WDFY4: variants seen among roughly 807,000 people sequenced by gnomAD.
WDFY4 encodes WDFY family member 4.
A neutral mutation model predicts 351.9 loss-of-function variants in WDFY4; 169 were observed. The observed-to-expected ratio is 0.48, with a 90% CI of 0.42 to 0.55. The LOEUF is 0.55. Ranked by LOEUF, WDFY4 falls within the 20% of genes least tolerant of loss-of-function variation. The pLI is 0.00. For missense variants in WDFY4, 3,803 were observed against 3,935.6 expected (o/e 0.97, Z 0.90); for synonymous variants, 1,622 against 1,574.6 (o/e 1.03, Z -0.71).
intron 25 of WDFY4, among the ~76,000 whole-genome samples, chr10:48,804,136 G>A (rs1210648586): frequency 1.3e-5 from 2 of 152,180 alleles, no homozygotes; most frequent in Non-Finnish European, 2.9e-5. Context: ...GGGAGCCAGG[G>A]GCTGTGTTCA....
chr10:48,931,736 T>G (rs190379909), intron 47 of WDFY4, among the ~76,000 whole-genome samples: 1 of 152,386 alleles, frequency 6.6e-6, no homozygotes, highest in Admixed American at 6.5e-5. Flanking sequence ...AAACTTTTCC[T>G]AAATTCAGAT....
intron 12 of WDFY4, among the ~76,000 whole-genome samples, chr10:48,758,727 G>T (rs2065408332): frequency 6.6e-6 from 1 of 152,058 alleles, no homozygotes; most frequent in Non-Finnish European, 1.5e-5. Context: ...AATTTCAGTT[G>T]TTGTGTTTAC....
chr10:48,855,431 G>T (rs766471330), intron 39 of WDFY4, among the ~76,000 whole-genome samples: 93 of 151,930 alleles, frequency 6.1e-4, no homozygotes, highest in Middle Eastern at 3.4e-3. Flanking sequence ...CTTTGGTCTG[G>T]CTTATTTCAC....
chr10:48,736,349 G>A (rs2064667338), intron 11 of WDFY4: 9 of 598,172 alleles, frequency 1.5e-5, no homozygotes, highest in Non-Finnish European at 2.7e-5. Context: ...CAGCAGACAA[G>A]GGAAGAGAGA....
intron 39 of WDFY4, among the ~76,000 whole-genome samples, chr10:48,864,273 A>G (rs1042592873): frequency 3.9e-5 from 6 of 152,188 alleles, no homozygotes; most frequent in African/African-American, 1.4e-4. Context: ...TTATGCAGTA[A>G]AGGTTTAACT....
At chr10:48,693,960 G>A (rs1299919837) in intron 1 of WDFY4, among the ~76,000 whole-genome samples, 2 of 152,148 alleles carry the variant, frequency 1.3e-5, no homozygotes, top group South Asian at 2.1e-4. Context: ...TGATGAATCC[G>A]GAGAACTAAG....
intron 53 of WDFY4, among the ~76,000 whole-genome samples, chr10:48,960,063 C>A (rs2133833203): frequency 6.6e-6 from 1 of 152,292 alleles, no homozygotes; most frequent in East Asian, 1.9e-4. Flanking sequence ...AGGAAGTGAG[C>A]TTAGTGCCCT....
In WDFY4 at chr10:48,971,999, T is replaced by G. The variant is rs186306002; in HGVS notation, c.8928+1710T>G. 1.9e-3 allele frequency among the ~76,000 whole-genome samples: 285 copies of G among 152,326 alleles called. 1 individual carries two copies. Among genetic ancestry groups the G allele is most frequent in the Admixed American group, 3.7e-3 (57 of 15,300 alleles). ...CTTGGGGTACTGGGGCAGTGATTTT[T>G]CTATCATCCTCTGAGTTCCCATTTA... On this transcript the variant is annotated intron_variant, in intron 57 of 61. Transcript: ENST00000325239.
chr10:48,797,644 C>A (rs1038104388), intron 24 of WDFY4, among the ~76,000 whole-genome samples: 1 of 152,124 alleles, frequency 6.6e-6, no homozygotes, highest in African/African-American at 2.4e-5. Context: ...TTCTGTTATG[C>A]TGAGAGTTCC....
At chr10:48,741,482 G>GAAA (rs2064849751) in intron 11 of WDFY4, among the ~76,000 whole-genome samples, 3 of 129,588 alleles carry the variant, frequency 2.3e-5, no homozygotes, top group African/African-American at 5.5e-5. Context: ...AAAAAAAAAT[G>GAAA]GAGCTCCCAA....
intron 47 of WDFY4, 56 bp downstream of exon 47, chr10:48,901,919 C>A: frequency 6.8e-7 from 1 of 1,462,592 alleles, no homozygotes; most frequent in Non-Finnish European, 9.4e-7. Flanking sequence ...TTTGATGTTC[C>A]TCCTCTGCCT....
At chr10:48,931,270 T>A (rs551321659) in intron 47 of WDFY4, among the ~76,000 whole-genome samples, 33 of 152,298 alleles carry the variant, frequency 2.2e-4, no homozygotes, top group African/African-American at 7.9e-4. Flanking sequence ...GGGCAGCAGG[T>A]GGAGAGTCTG....
At chr10:48,900,953 G>A (rs1382836008) in intron 46 of WDFY4, among the ~76,000 whole-genome samples, 1 of 152,182 alleles carries the variant, frequency 6.6e-6, no homozygotes, top group Non-Finnish European at 1.5e-5. Flanking sequence ...CAGAGAGGCT[G>A]ATTAACAGAG....
rs903588287 is a variant in WDFY4, at chr10:48,685,021, G to A, written c.-18+20G>A. 1.9e-4 allele frequency: 29 copies of A among 152,452 alleles called. No individual in the cohort carries two copies. The highest frequency in any genetic ancestry group is 7.0e-4 in the African/African-American group (29 of 41,472). The allele number at this position is 152,452 out of a possible 1,614,324, so 9.4% of individuals were successfully genotyped here. ...CTCCAGGTAGGCCACCTTGCTCTTGGCCCAGCCAGGCCAGCCTAGAGGTGG... is the reference window on the plus strand; with the variant it reads ...CTCCAGGTAGGCCACCTTGCTCTTGACCCAGCCAGGCCAGCCTAGAGGTGG... On this transcript the variant is annotated intron_variant, in intron 1 of 61. Coordinates refer to ENST00000325239, the MANE Select transcript of WDFY4 (RefSeq NM_001394531.1).
In WDFY4 at chr10:48,727,481, G is replaced by T; in HGVS notation, c.793G>T (p.Val265Phe). The part of the protein sequence containing the change: ...IIQYLQATDC[V>F]RLSLQNLSRL... Reference sequence around the variant, plus strand: ...CTTCCCTCCTGCAGCCACAGACTGTGTCAGGCTCTCCCTCCAGAACCTCTC... The same window carrying T: ...CTTCCCTCCTGCAGCCACAGACTGTTTCAGGCTCTCCCTCCAGAACCTCTC... Residue 265 changes from valine to phenylalanine, a missense_variant, in exon 7 of 62, where the codon GTC becomes TTC. Physicochemically the swap from Val to Phe is conservative, Grantham distance 50. Around this residue, in one of 3 missense-constraint regions of WDFY4, gnomAD observed 488 missense variants for 456.8 expected, o/e 1.07. Coordinates refer to ENST00000325239, the MANE Select transcript of WDFY4 (RefSeq NM_001394531.1). 6.4e-7 allele frequency: 1 copy of T among 1,551,722 alleles called. No individual in the cohort carries two copies. The highest frequency in any genetic ancestry group is 8.7e-7 in the Non-Finnish European group (1 of 1,146,984).
chr10:48,975,301 C>T, intron 58 of WDFY4: 1 of 589,692 alleles, frequency 1.7e-6, no homozygotes, highest in Non-Finnish European at 3.0e-6. Flanking sequence ...GGGGCTGCAG[C>T]TGAAAAATTG....
chr10:48,733,377 G>T (rs1211870458), intron 9 of WDFY4, among the ~76,000 whole-genome samples: 3 of 152,156 alleles, frequency 2.0e-5, no homozygotes, highest in Non-Finnish European at 4.4e-5. Flanking sequence ...CTGGCATGGG[G>T]ATTCAAGGTG....
chr10:48,763,918 G>A (rs867651587), intron 13 of WDFY4, among the ~76,000 whole-genome samples: 1 of 152,322 alleles, frequency 6.6e-6, no homozygotes. Flanking sequence ...TGAATCAAAT[G>A]AGAAATGAGA....
chr10:48,787,930 CTTCTTCTTCTTCTTCTTCTTCTTCTT>C (rs2066517427), intron 20 of WDFY4, among the ~76,000 whole-genome samples: 1 of 89,154 alleles, frequency 1.1e-5, no homozygotes, highest in Non-Finnish European at 2.2e-5. Context: ...TCTTCTTCTT[CTTCTTCTTCTTCTTCTTCTTCTTCTT>C]CTTCTTCTTC....
Sources: allele counts gnomAD v4.1 joint callset (sites outside exome capture counted in the v4.1 genomes callset), GRCh38; gene constraint gnomAD v4.1.1; regional missense constraint gnomAD v4.1.1; transcripts MANE v1.5; gene names NCBI Gene and HGNC (gene_info 2026-07-23, HGNC 2026-07-21).